The following SLC24A3 variants were observed in gnomAD, a reference collection of about 807,000 sequenced individuals.
SLC24A3 encodes the protein solute carrier family 24 member 3.
In SLC24A3, 28 loss-of-function variants were observed where a neutral mutation model predicts 75.8. The ratio of observed to expected loss-of-function variants is 0.37; its 90% CI spans 0.27 to 0.51. The LOEUF is 0.51. SLC24A3 is among the 20% of genes least tolerant of loss of function. SLC24A3 has a pLI of 0.94. For synonymous variants in SLC24A3, 372 were observed against 334.1 expected (o/e 1.11, Z -1.24); for missense variants, 663 against 847.8 (o/e 0.78, Z 2.71).
chr20:19,447,863 T>C (rs2122477227), intron 2 of SLC24A3, among the ~76,000 whole-genome samples: 1 of 152,352 alleles, frequency 6.6e-6, no homozygotes, highest in South Asian at 2.1e-4. Flanking sequence ...CACCTTCAGA[T>C]CTCCAGTGGT....
intron 2 of SLC24A3, among the ~76,000 whole-genome samples, chr20:19,363,119 G>A (rs1010200709): frequency 1.3e-5 from 2 of 152,198 alleles, no homozygotes; most frequent in African/African-American, 4.8e-5. Flanking sequence ...ACGTCCTGCT[G>A]CTCGTCACTC....
At chr20:19,673,737 G>A in intron 9 of SLC24A3, 83 bp downstream of exon 9, 1 of 1,201,764 alleles carries the variant, frequency 8.3e-7, no homozygotes. Context: ...GATTGGGGTG[G>A]GTATCTGACT....
chr20:19,418,197 TAAAC>T (rs1391177138), intron 2 of SLC24A3, among the ~76,000 whole-genome samples: 6 of 152,140 alleles, frequency 3.9e-5, no homozygotes, highest in African/African-American at 1.4e-4. Flanking sequence ...AAAGGAATTT[TAAAC>T]AAACAGAGAC....
intron 2 of SLC24A3, among the ~76,000 whole-genome samples, chr20:19,475,592 G>A (rs1251143943): frequency 1.3e-5 from 2 of 152,202 alleles, no homozygotes; most frequent in East Asian, 1.9e-4. Flanking sequence ...GACATGACCA[G>A]TTAGAAGATA....
intron 2 of SLC24A3, among the ~76,000 whole-genome samples, chr20:19,497,643 G>A (rs1988314364): frequency 6.6e-6 from 1 of 152,184 alleles, no homozygotes. Context: ...TGAAGAGGCT[G>A]CTGTGGTGTA....
intron 3 of SLC24A3, among the ~76,000 whole-genome samples, chr20:19,547,003 G>A (rs906926262): frequency 1.8e-4 from 27 of 152,166 alleles, no homozygotes; most frequent in Non-Finnish European, 3.2e-4. Flanking sequence ...GAGAGGTCCC[G>A]CTCTCTGAAG....
At chr20:19,483,055 G>T (rs528429155) in intron 2 of SLC24A3, among the ~76,000 whole-genome samples, 11 of 152,312 alleles carry the variant, frequency 7.2e-5, no homozygotes, top group African/African-American at 2.6e-4. Flanking sequence ...CCACTGCAGG[G>T]ATATAGGCTT....
intron 6 of SLC24A3, among the ~76,000 whole-genome samples, chr20:19,636,788 A>G (rs570430854): frequency 7.2e-5 from 11 of 152,344 alleles, no homozygotes; most frequent in South Asian, 4.1e-4. Context: ...GCTACCAGGC[A>G]TCTAAGGATC....
At chr20:19,712,126 T>C (rs1568708066) in intron 15 of SLC24A3, among the ~76,000 whole-genome samples, 2 of 152,120 alleles carry the variant, frequency 1.3e-5, no homozygotes, top group Admixed American at 6.6e-5. Context: ...TTTATTTTTA[T>C]TTTTTGTAGA....
intron 2 of SLC24A3, among the ~76,000 whole-genome samples, chr20:19,483,402 T>C (rs1271539866): frequency 6.6e-6 from 1 of 152,242 alleles, no homozygotes; most frequent in African/African-American, 2.4e-5. Flanking sequence ...GCAGCCAGCC[T>C]AGGACACTTG....
intron 6 of SLC24A3, among the ~76,000 whole-genome samples, chr20:19,632,901 A>G (rs1184485154): frequency 2.6e-5 from 4 of 152,250 alleles, no homozygotes; most frequent in Admixed American, 6.5e-5. Context: ...TTTGCCTCCT[A>G]TGCAGAAATT....
intron 3 of SLC24A3, among the ~76,000 whole-genome samples, chr20:19,557,494 C>T (rs780054874): frequency 6.6e-6 from 1 of 152,188 alleles, no homozygotes; most frequent in Admixed American, 6.5e-5. Context: ...TGACAAATCA[C>T]TTCCTCAAAC....
At chr20:19,637,665 A>G (rs2032017486) in intron 6 of SLC24A3, among the ~76,000 whole-genome samples, 3 of 152,248 alleles carry the variant, frequency 2.0e-5, no homozygotes, top group African/African-American at 7.2e-5. Flanking sequence ...GACAACTGAA[A>G]GAGGATGACG....
At chr20:19,333,931 A>G (rs1159357360) in intron 2 of SLC24A3, among the ~76,000 whole-genome samples, 1 of 152,150 alleles carries the variant, frequency 6.6e-6, no homozygotes, top group Admixed American at 6.5e-5. Flanking sequence ...GAAAGAAGAC[A>G]AGAAAAGACA....
intron 3 of SLC24A3, among the ~76,000 whole-genome samples, chr20:19,530,764 G>A (rs994246927): frequency 1.3e-5 from 2 of 152,172 alleles, no homozygotes; most frequent in African/African-American, 4.8e-5. Flanking sequence ...ACAACAGAAG[G>A]CTTGATATTG....
intron 2 of SLC24A3, among the ~76,000 whole-genome samples, chr20:19,512,908 G>A (rs78878841): frequency 0.015 from 2,353 of 152,322 alleles, 61 homozygotes; most frequent in African/African-American, 0.053. Flanking sequence ...GTTTCCACAC[G>A]ATTCCTTTGC....
At chr20:19,475,811 A>C (rs769167534) in intron 2 of SLC24A3, among the ~76,000 whole-genome samples, 1 of 152,206 alleles carries the variant, frequency 6.6e-6, no homozygotes, top group Non-Finnish European at 1.5e-5. Context: ...TAAAGACCTG[A>C]AAATATTCTG....
rs868235280 is a variant in SLC24A3 at position 19,481,236 on chromosome 20, A to T, written c.272-34252A>T. On this transcript the variant is annotated intron_variant, in intron 2 of 16. Coordinates refer to ENST00000328041, the MANE Select transcript of SLC24A3 (RefSeq NM_020689.4). ...TACGTCCTGGCTTGTCAGTGTGCCCAAAGTATGTTGAAGAAGATATTAAAG... is the reference window on the plus strand; with the variant it reads ...TACGTCCTGGCTTGTCAGTGTGCCCTAAGTATGTTGAAGAAGATATTAAAG... Among the ~76,000 whole-genome samples, 3 of 152,210 alleles carry T rather than the reference A, an allele frequency of 2.0e-5. No individual in the cohort carries two copies. In the South Asian group the frequency reaches 6.2e-4, roughly 32 times the overall value.
In SLC24A3 at chr20:19,541,282, C is replaced by T. The variant is rs184963738; in HGVS notation, c.348+25718C>T. Reference sequence around the variant, plus strand: ...CAGCGGCTGCAGCGGGGAGACGTCTCTGGAAGATGTTGGAGCTATCCTAAC... The same window carrying T: ...CAGCGGCTGCAGCGGGGAGACGTCTTTGGAAGATGTTGGAGCTATCCTAAC... On this transcript the variant is annotated intron_variant, in intron 3 of 16. Transcript: ENST00000328041. 2.3e-3 allele frequency among the ~76,000 whole-genome samples: 344 copies of T among 152,314 alleles called. 1 individual carries two copies. The highest frequency in any genetic ancestry group is 7.9e-3 in the African/African-American group (328 of 41,580).
Sources: gnomAD v4.1 joint callset for allele counts (sites outside exome capture counted in the v4.1 genomes callset) on GRCh38, gnomAD v4.1.1 for gene constraint, MANE v1.5 for transcripts, NCBI Gene and HGNC (gene_info 2026-07-23, HGNC 2026-07-21) for gene names.